FMN2: variants seen among roughly 807,000 people sequenced by gnomAD.
The protein encoded by FMN2 is formin 2.
Under a neutral mutation model 142.3 loss-of-function variants are expected in FMN2, and 51 were observed. That is an observed-to-expected ratio of 0.36 (90% CI 0.29 to 0.45). FMN2 has a LOEUF of 0.45. Ranked by LOEUF, FMN2 falls within the 20% of genes least tolerant of loss-of-function variation. The pLI, the probability that FMN2 is intolerant of heterozygous loss-of-function variation, is 1.00. For missense variants in FMN2, 1,936 were observed against 2,122.8 expected (o/e 0.91, Z 1.73); for synonymous variants, 882 against 869.8 (o/e 1.01, Z -0.25).
chr1:240,336,167 A>C (rs1365419475), intron 13 of FMN2, among the ~76,000 whole-genome samples: 1 of 151,968 alleles, frequency 6.6e-6, no homozygotes, highest in Non-Finnish European at 1.5e-5. Context: ...TAAATAAGTA[A>C]AAATAAAGAA....
At chr1:240,180,120 G>C in intron 3 of FMN2, 1 of 1,204,766 alleles carries the variant, frequency 8.3e-7, no homozygotes, top group Non-Finnish European at 1.1e-6. Context: ...TAGAGCAAGT[G>C]ATTTTTAATG....
At chr1:240,369,963 A>G (rs1279210816) in intron 14 of FMN2, among the ~76,000 whole-genome samples, 2 of 152,032 alleles carry the variant, frequency 1.3e-5, no homozygotes, top group Admixed American at 6.6e-5. Context: ...CCCCAAAGCT[A>G]CTGGTGAGGT....
Position 240,366,887 on chromosome 1 carries a change from T to C in FMN2, c.4858+10979T>C, listed in dbSNP as rs190464821. 2.5e-4 allele frequency among the ~76,000 whole-genome samples: 38 copies of C among 152,332 alleles called. No individual in the cohort carries two copies. In the East Asian group the frequency reaches 6.4e-3, roughly 26 times the overall value. ...TTTTATTGATTATGGACAATACTTATATGAACATTTGTGTTCACAATTCCT... is the reference window on the plus strand; with the variant it reads ...TTTTATTGATTATGGACAATACTTACATGAACATTTGTGTTCACAATTCCT... On this transcript the variant is annotated intron_variant, in intron 14 of 17. Transcript: ENST00000319653.
At chr1:240,413,585 A>G (rs924784805) in intron 15 of FMN2, among the ~76,000 whole-genome samples, 7 of 152,118 alleles carry the variant, frequency 4.6e-5, no homozygotes, top group African/African-American at 1.7e-4. Context: ...TTTGGGTGAG[A>G]GAGAATATGA....
Position 240,474,125 on chromosome 1 carries a change from C to T in FMN2, c.5143-3C>T. ...AACTTTTATCTGGTGTATTTGTTTT[C>T]AGAAAGCAAAGATAAGCATGAAAAC... is the stretch of plus-strand genomic sequence containing the variant. On this transcript the variant is annotated splice_region_variant and splice_polypyrimidine_tract_variant and intron_variant, in intron 17 of 17. Coordinates refer to ENST00000319653, the MANE Select transcript of FMN2 (RefSeq NM_020066.5). 6.4e-7 allele frequency: 1 copy of T among 1,558,214 alleles called. No homozygotes were observed. Among genetic ancestry groups the T allele is most frequent in the African/African-American group, 1.4e-5 (1 of 71,064 alleles).
At chr1:240,114,562 T>C (rs1661944224) in intron 1 of FMN2, among the ~76,000 whole-genome samples, 1 of 152,166 alleles carries the variant, frequency 6.6e-6, no homozygotes. Flanking sequence ...ATTGACCTTT[T>C]CTCTAATGGA....
intron 14 of FMN2, among the ~76,000 whole-genome samples, chr1:240,365,718 A>C (rs528728736): frequency 1.3e-5 from 2 of 152,130 alleles, no homozygotes; most frequent in Non-Finnish European, 2.9e-5. Context: ...CTTGTCAACT[A>C]ATTCACTCAT....
intron 3 of FMN2, among the ~76,000 whole-genome samples, chr1:240,187,298 A>C (rs905008053): frequency 3.7e-4 from 56 of 151,136 alleles, no homozygotes; most frequent in Non-Finnish European, 4.4e-5. Flanking sequence ...AAAAGAAAAG[A>C]AAAAAACAAA....
At chr1:240,185,267 T>C (rs1044721307) in intron 3 of FMN2, among the ~76,000 whole-genome samples, 1 of 152,184 alleles carries the variant, frequency 6.6e-6, no homozygotes, top group African/African-American at 2.4e-5. Context: ...TTTTCTCTTC[T>C]CTCCCAGTGG....
intron 15 of FMN2, among the ~76,000 whole-genome samples, chr1:240,436,521 T>A (rs975065103): frequency 1.3e-5 from 2 of 151,964 alleles, no homozygotes; most frequent in African/African-American, 4.8e-5. Context: ...CTCAGTATTT[T>A]AAAAAATTAG....
intron 14 of FMN2, among the ~76,000 whole-genome samples, chr1:240,365,544 A>G (rs1248130562): frequency 6.6e-6 from 1 of 152,188 alleles, no homozygotes; most frequent in African/African-American, 2.4e-5. Context: ...ACACAAAAAT[A>G]AAACATTTTA....
intron 13 of FMN2, among the ~76,000 whole-genome samples, chr1:240,335,109 A>G (rs553644559): frequency 1.3e-5 from 2 of 152,198 alleles, no homozygotes; most frequent in Non-Finnish European, 2.9e-5. Flanking sequence ...GTGTTTTAAA[A>G]TGGATTTCAG....
At chr1:240,472,743 G>A (rs1486413977) in intron 17 of FMN2, among the ~76,000 whole-genome samples, 11 of 151,786 alleles carry the variant, frequency 7.2e-5, no homozygotes, top group Admixed American at 7.2e-4. Flanking sequence ...TCAGGCGATC[G>A]AGGCCATCCT....
At chr1:240,149,952 A>G (rs1156837833) in intron 2 of FMN2, among the ~76,000 whole-genome samples, 1 of 152,182 alleles carries the variant, frequency 6.6e-6, no homozygotes, top group East Asian at 1.9e-4. Context: ...GGTTATAGTT[A>G]AGGTATCAAT....
At chr1:240,143,072 A>T in intron 2 of FMN2, 1 of 1,511,120 alleles carries the variant, frequency 6.6e-7, no homozygotes, top group African/African-American at 1.4e-5. Flanking sequence ...GGGTAAGTGT[A>T]CCCTTCCCTA....
intron 8 of FMN2, among the ~76,000 whole-genome samples, chr1:240,308,038 A>G (rs375193741): frequency 1.1e-4 from 17 of 152,294 alleles, no homozygotes; most frequent in East Asian, 7.7e-4. Flanking sequence ...TGTGTTAAAG[A>G]GAAAAAAAGT....
chr1:240,115,060 G>A (rs74149328), intron 1 of FMN2, among the ~76,000 whole-genome samples: 11,329 of 152,174 alleles, frequency 0.074, 500 homozygotes, highest in Non-Finnish European at 0.091. Flanking sequence ...TTCTAGAAAG[G>A]CAGCATAAAT....
intron 2 of FMN2, among the ~76,000 whole-genome samples, chr1:240,166,691 G>A (rs547506487): frequency 6.6e-6 from 1 of 151,990 alleles, no homozygotes; most frequent in East Asian, 1.9e-4. Context: ...TGCTATTTTT[G>A]GAAACTCTAC....
At chr1:240,122,825 G>C (rs1394233496) in intron 1 of FMN2, among the ~76,000 whole-genome samples, 1 of 152,100 alleles carries the variant, frequency 6.6e-6, no homozygotes, top group African/African-American at 2.4e-5. Context: ...GGCTTAGGTG[G>C]GGGGATTGCT....
Sources: gnomAD v4.1 joint callset for allele counts (sites outside exome capture counted in the v4.1 genomes callset) on GRCh38, gnomAD v4.1.1 for gene constraint, MANE v1.5 for transcripts, NCBI Gene and HGNC (gene_info 2026-07-23, HGNC 2026-07-21) for gene names.